The following PKD1L3 variants were observed in gnomAD, a reference collection of about 807,000 sequenced individuals.
The protein encoded by PKD1L3 is polycystin-1-like protein 3.
A neutral mutation model predicts 184.1 loss-of-function variants in PKD1L3; 239 were observed. That is an observed-to-expected ratio of 1.30 (90% CI 1.17 to 1.45). The LOEUF (loss-of-function observed/expected upper bound fraction) is 1.45, where lower values mean the gene tolerates loss of function less well. Among genes scored for constraint, PKD1L3 ranks in the 40% most tolerant of loss-of-function variants. The pLI, the probability that PKD1L3 is intolerant of heterozygous loss-of-function variation, is 0.00. For missense variants in PKD1L3, 2,660 were observed against 2,067.2 expected (o/e 1.29, Z -5.56); for synonymous variants, 996 against 778.8 (o/e 1.28, Z -4.64).
intron 16 of PKD1L3, among the ~76,000 whole-genome samples, chr16:71,956,134 A>C (rs1176950653): frequency 6.6e-6 from 1 of 150,544 alleles, no homozygotes; most frequent in Non-Finnish European, 1.5e-5. Context: ...CTGGGATTCC[A>C]GGTGTGAGCC....
intron 6 of PKD1L3, among the ~76,000 whole-genome samples, chr16:71,983,766 T>A (rs533167095): frequency 1.4e-5 from 2 of 143,036 alleles, no homozygotes; most frequent in South Asian, 4.7e-4. Flanking sequence ...TGGGTTCAAG[T>A]GATTATTGTG....
Position 72,000,052 on chromosome 16 carries a change from G to A in PKD1L3, c.-74C>T. On this transcript the variant is annotated 5_prime_UTR_variant, in exon 1 of 30. Coordinates refer to ENST00000620267, the MANE Select transcript of PKD1L3 (RefSeq NM_181536.2). ...GGTCCTTTAAATATATATATTGGCG[G>A]GCTTGTCTTATTAGTATTATTCTTT... The A allele has an allele frequency of 2.5e-6, 3 of 1,218,770 alleles. No homozygotes were observed. The highest frequency in any genetic ancestry group is 3.3e-6 in the Non-Finnish European group (3 of 904,742). The allele number at this position is 1,218,770 out of a possible 1,614,324, so 75.5% of individuals were successfully genotyped here.
intron 7 of PKD1L3, among the ~76,000 whole-genome samples, chr16:71,980,501 C>A (rs1312062147): frequency 6.6e-6 from 1 of 152,114 alleles, no homozygotes; most frequent in Non-Finnish European, 1.5e-5. Flanking sequence ...GATTGTGCAA[C>A]CATCACCACA....
At chr16:71,972,018 C>A (rs1318478094) in intron 12 of PKD1L3, among the ~76,000 whole-genome samples, 1 of 151,760 alleles carries the variant, frequency 6.6e-6, no homozygotes. Context: ...AGATCGAGAC[C>A]ATCCTGGCTA....
rs569334180 is a variant in PKD1L3, at chr16:71,953,062, C to A, written c.2841G>T (p.Leu947=). ...TGACAGCAGTATGGATGCTGACCAG[C>A]AGTTCAGACCAGGCCACAGCAAATG... The part of the protein sequence containing the change: ...MRPFAVAWSE[L]LVSIHTAVIL... Residue 947 remains leucine, a synonymous_variant, in exon 18 of 30, where the codon CTG becomes CTT. Transcript: ENST00000620267. 5 of 1,513,902 alleles carry A rather than the reference C, an allele frequency of 3.3e-6. No individual in the cohort carries two copies. Among genetic ancestry groups the A allele is most frequent in the Non-Finnish European group, 4.4e-6 (5 of 1,132,214 alleles). The allele number at this position is 1,513,902 out of a possible 1,614,324, so 93.8% of individuals were successfully genotyped here. A position where few individuals can be genotyped will look rare whatever the true frequency, so the allele number is the denominator to read the frequency against.
chr16:71,947,617 G>C (rs776188910), intron 21 of PKD1L3, 26 bp from the exon 22 acceptor site: 4 of 1,429,976 alleles, frequency 2.8e-6, no homozygotes, highest in South Asian at 1.2e-5. Context: ...ACAGAACATC[G>C]TGAGCAGACA....
chr16:71,979,393 G>A (rs530770082), intron 9 of PKD1L3, among the ~76,000 whole-genome samples: 27 of 152,186 alleles, frequency 1.8e-4, no homozygotes, highest in East Asian at 1.5e-3. Context: ...GCAGTGAGCC[G>A]AGATCACGCC....
chr16:71,937,095 G>T (rs556601257), intron 25 of PKD1L3, among the ~76,000 whole-genome samples, 197 bp downstream of exon 25: 1 of 151,914 alleles, frequency 6.6e-6, no homozygotes, highest in Non-Finnish European at 1.5e-5. Context: ...TTGCTCTGTC[G>T]CCCAGGCTGA....
Position 71,990,335 on chromosome 16 carries a change from G to T in PKD1L3, c.536-6C>A. The T allele has an allele frequency of 6.5e-7, 1 of 1,544,548 alleles. No individual in the cohort carries two copies. The highest frequency in any genetic ancestry group is 1.2e-5 in the South Asian group (1 of 83,750). On this transcript the variant is annotated splice_region_variant and splice_polypyrimidine_tract_variant and intron_variant, in intron 3 of 29. Transcript: ENST00000620267. ...GGTTGGAAGATGACCAGGTCCTATA[G>T]AAAAAAGAAAGCAGACTAAGTTCAA...
rs1434719002 is a variant in PKD1L3, at chr16:71,949,800, T to G, written c.3601A>C (p.Ile1201Leu). 3 of 1,550,682 alleles carry G rather than the reference T, an allele frequency of 1.9e-6. No homozygotes were observed. The Admixed American group carries it at 5.9e-5, about 30-fold the overall frequency. Residue 1201 changes from isoleucine to leucine, a missense_variant, in exon 21 of 30, where the codon ATC (isoleucine) becomes CTC (leucine). By Grantham distance (5) the Ile-to-Leu change is conservative. Coordinates refer to ENST00000620267, the MANE Select transcript of PKD1L3 (RefSeq NM_181536.2). Reference sequence around the variant, plus strand: ...TCACATACCTTTACTGGCTGGCTGATGAAGATGTTCTGAAGCACTGATAAA... The same window carrying G: ...TCACATACCTTTACTGGCTGGCTGAGGAAGATGTTCTGAAGCACTGATAAA... ...IILSVLQNIF[I>L]SQPVKVVFFT...
At chr16:71,970,494 G>C (rs1365870535) in intron 12 of PKD1L3, among the ~76,000 whole-genome samples, 2 of 152,144 alleles carry the variant, frequency 1.3e-5, no homozygotes, top group Admixed American at 6.6e-5. Flanking sequence ...CAAACTGATT[G>C]AATTCTATAC....
chr16:71,952,051 A>G (rs1037708367), intron 18 of PKD1L3, among the ~76,000 whole-genome samples: 8 of 152,124 alleles, frequency 5.3e-5, no homozygotes, highest in Non-Finnish European at 1.0e-4. Context: ...CTTAATCATC[A>G]AGAGTAAAAG....
chr16:71,970,258 A>C (rs1186862559), intron 12 of PKD1L3, among the ~76,000 whole-genome samples, 153 bp from the exon 13 acceptor site: 1 of 152,216 alleles, frequency 6.6e-6, no homozygotes, highest in Non-Finnish European at 1.5e-5. Context: ...ACCAATGTGG[A>C]AAGTAATTTA....
At chr16:71,984,784 G>A (rs1171276179) in intron 5 of PKD1L3, among the ~76,000 whole-genome samples, 9 of 152,138 alleles carry the variant, frequency 5.9e-5, no homozygotes, top group African/African-American at 2.2e-4. Flanking sequence ...TCTTGAACCC[G>A]GGAGGCAGAG....
At chr16:71,985,923 G>A (rs2040342878) in intron 5 of PKD1L3, among the ~76,000 whole-genome samples, 1 of 152,214 alleles carries the variant, frequency 6.6e-6, no homozygotes, top group Admixed American at 6.5e-5. Context: ...ACAGTGAGTA[G>A]GAGGAATTGT....
chr16:71,986,900 G>T (rs1439174998), intron 4 of PKD1L3, among the ~76,000 whole-genome samples: 2 of 147,122 alleles, frequency 1.4e-5, no homozygotes, highest in East Asian at 4.0e-4. Context: ...AGGATGTTCA[G>T]TGGTAAGGAG....
At chr16:71,981,972 A>T in intron 7 of PKD1L3, 87 bp downstream of exon 7, 1 of 1,287,838 alleles carries the variant, frequency 7.8e-7, no homozygotes, top group Non-Finnish European at 1.0e-6. Flanking sequence ...TTATCTTTAA[A>T]GGTCTGGGGA....
At chr16:71,982,592 G>T (rs1427179852) in intron 6 of PKD1L3, among the ~76,000 whole-genome samples, 1 of 151,038 alleles carries the variant, frequency 6.6e-6, no homozygotes, top group Non-Finnish European at 1.5e-5. Context: ...GCCTATGATT[G>T]CTTTTTAAAA....
chr16:71,939,930 C>T (rs1220919758), intron 24 of PKD1L3, among the ~76,000 whole-genome samples: 2 of 152,084 alleles, frequency 1.3e-5, no homozygotes, highest in Non-Finnish European at 2.9e-5. Flanking sequence ...CTGCTGGAAG[C>T]TGAAAAGTAG....
Sources: allele counts gnomAD v4.1 joint callset (sites outside exome capture counted in the v4.1 genomes callset), GRCh38; gene constraint gnomAD v4.1.1; transcripts MANE v1.5; gene names NCBI Gene and HGNC (gene_info 2026-07-23, HGNC 2026-07-21).